RPS6KA2: variants seen among roughly 807,000 people sequenced by gnomAD.
The protein encoded by RPS6KA2 is ribosomal protein S6 kinase A2, also known as ribosomal protein S6 kinase alpha-2.
A neutral mutation model predicts 91.8 loss-of-function variants in RPS6KA2; 42 were observed. That is an observed-to-expected ratio of 0.46 (90% CI 0.36 to 0.59). The LOEUF (loss-of-function observed/expected upper bound fraction) is 0.59, where lower values mean the gene tolerates loss of function less well. Among genes scored for constraint, RPS6KA2 ranks in the 20% least tolerant of loss-of-function variants. The pLI is 0.00. For synonymous variants in RPS6KA2, 414 were observed against 393.6 expected (o/e 1.05, Z -0.61); for missense variants, 798 against 978.5 (o/e 0.82, Z 2.46).
At chr6:166,783,091 TATTA>T (rs1404279946) in intron 2 of RPS6KA2, among the ~76,000 whole-genome samples, 3 of 138,722 alleles carry the variant, frequency 2.2e-5, no homozygotes, top group African/African-American at 5.4e-5. Context: ...TTATTATTAT[TATTA>T]TTATTGTTTT....
At chr6:166,771,003 A>C (rs1349675760) in intron 2 of RPS6KA2, 2 of 1,090,138 alleles carry the variant, frequency 1.8e-6, no homozygotes, top group Non-Finnish European at 2.7e-6. Flanking sequence ...TTACTACCAT[A>C]CTCACCAGGC....
chr6:166,768,003 C>T (rs1778367093), intron 2 of RPS6KA2, among the ~76,000 whole-genome samples: 1 of 152,238 alleles, frequency 6.6e-6, no homozygotes, highest in Non-Finnish European at 1.5e-5. Context: ...AGAGTGCTCA[C>T]ATTTCTGTCC....
Position 166,513,734 on chromosome 6 carries a change from G to A in RPS6KA2, c.299-3377C>T, listed in dbSNP as rs532651249. ...GGGCTGAAGGAGATTTAATGAGAGGGGCCATGAATGGAAACCACTGTCCCA... is the reference window on the plus strand; with the variant it reads ...GGGCTGAAGGAGATTTAATGAGAGGAGCCATGAATGGAAACCACTGTCCCA... On this transcript the variant is annotated intron_variant, in intron 3 of 20. Coordinates refer to ENST00000265678, the MANE Select transcript of RPS6KA2 (RefSeq NM_021135.6). 3.9e-5 allele frequency among the ~76,000 whole-genome samples: 6 copies of A among 152,268 alleles called. No individual in the cohort carries two copies. The South Asian group carries it at 1.0e-3, about 26-fold the overall frequency.
rs968768493 is a variant in RPS6KA2 at position 166,732,754 on chromosome 6, C to A, written c.123+125446G>T. Among the ~76,000 whole-genome samples, 1 of 152,216 alleles carries A rather than the reference C, an allele frequency of 6.6e-6. No individual in the cohort carries two copies. Among genetic ancestry groups the A allele is most frequent in the Admixed American group, 6.5e-5 (1 of 15,282 alleles). On this transcript the variant is annotated intron_variant, in intron 2 of 21. Transcript: ENST00000503859. The surrounding 1 kb of genome is among the most constrained non-coding windows in gnomAD (Gnocchi z 4.0). The stretch of plus-strand genomic sequence containing the variant: ...CCAGGGCACAGCACAGGGGCCCGGT[C>A]AGAGCCTCTTCCTACCAGAGGTGAT...
In RPS6KA2 at chr6:166,729,015, C is replaced by A. The variant is rs138846519; in HGVS notation, c.123+129185G>T. ...GGAAGTGACTGCTGCAAAAAGTGAC[C>A]ACAGGCTGACACATGGAGTGCTCCC... On this transcript the variant is annotated intron_variant, in intron 2 of 21. Coordinates refer to the RPS6KA2 transcript ENST00000503859. Among the ~76,000 whole-genome samples the A allele has an allele frequency of 2.8e-3, 426 of 152,324 alleles. 3 individuals are homozygous for A. The highest frequency in any genetic ancestry group is 9.9e-3 in the African/African-American group (410 of 41,570).
At chr6:166,766,299 T>G (rs1216491655) in intron 2 of RPS6KA2, among the ~76,000 whole-genome samples, 1 of 152,210 alleles carries the variant, frequency 6.6e-6, no homozygotes, top group African/African-American at 2.4e-5. Context: ...TATTTAAAAA[T>G]TTTTTAGGAT....
chr6:166,700,753 T>C (rs1244994962), intron 2 of RPS6KA2, among the ~76,000 whole-genome samples: 3 of 152,190 alleles, frequency 2.0e-5, no homozygotes, highest in Non-Finnish European at 4.4e-5. Context: ...GAAAGCATCA[T>C]TAAGCCAATT....
At chr6:166,743,966 A>C (rs982923703) in intron 2 of RPS6KA2, among the ~76,000 whole-genome samples, 3 of 152,104 alleles carry the variant, frequency 2.0e-5, no homozygotes, top group Admixed American at 2.0e-4. Flanking sequence ...TTCCCTTTTA[A>C]TCCAGCTTCT....
At chr6:166,425,638 C>T (rs1472683806) in intron 16 of RPS6KA2, among the ~76,000 whole-genome samples, 1 of 151,984 alleles carries the variant, frequency 6.6e-6, no homozygotes, top group Non-Finnish European at 1.5e-5. Flanking sequence ...AAAAAAAAGG[C>T]AGGGGTTGCA....
intron 2 of RPS6KA2, among the ~76,000 whole-genome samples, chr6:166,851,447 C>T (rs1453504036): frequency 2.0e-5 from 3 of 152,166 alleles, no homozygotes; most frequent in East Asian, 1.9e-4. Flanking sequence ...GGAGAACCGG[C>T]GTTTTCTTTA....
At chr6:166,608,976 A>C (rs910311215) in intron 1 of RPS6KA2, among the ~76,000 whole-genome samples, 1 of 152,186 alleles carries the variant, frequency 6.6e-6, no homozygotes, top group Non-Finnish European at 1.5e-5. Flanking sequence ...ACTTTCCGGA[A>C]CATGTCATAG....
chr6:166,456,094 G>A (rs145607959), intron 12 of RPS6KA2, among the ~76,000 whole-genome samples: 1,632 of 152,328 alleles, frequency 0.011, 11 homozygotes, highest in Admixed American at 0.015. Flanking sequence ...ATTCCAATAA[G>A]CAATGTCTTC....
intron 2 of RPS6KA2, among the ~76,000 whole-genome samples, chr6:166,834,509 G>T (rs946487881): frequency 6.6e-6 from 1 of 152,076 alleles, no homozygotes; most frequent in East Asian, 1.9e-4. Flanking sequence ...AAAATATTGG[G>T]TACTATGCTT....
In RPS6KA2 at chr6:166,523,575, T is replaced by TATA. The variant is rs1055958356; in HGVS notation, c.298+7654_298+7656dup. On this transcript the variant is annotated intron_variant, in intron 3 of 20. Coordinates refer to ENST00000265678, the MANE Select transcript of RPS6KA2 (RefSeq NM_021135.6). The stretch of plus-strand genomic sequence containing the variant: ...AAATAAAGATGATGATTTATAAAAA[T>TATA]ATAATAATAATAATAACAGTCCTCC... 7.9e-5 allele frequency among the ~76,000 whole-genome samples: 12 copies of TATA among 152,132 alleles called. No individual in the cohort carries two copies. The South Asian group carries it at 1.2e-3, about 16-fold the overall frequency.
At chr6:166,668,923 T>C (rs1788395566) in intron 2 of RPS6KA2, among the ~76,000 whole-genome samples, 1 of 141,760 alleles carries the variant, frequency 7.1e-6, no homozygotes, top group African/African-American at 2.6e-5. Flanking sequence ...GGCCTCACTC[T>C]GTCACCTAGG....
chr6:166,772,992 C>A (rs761695496), intron 2 of RPS6KA2, among the ~76,000 whole-genome samples: 8 of 152,316 alleles, frequency 5.3e-5, no homozygotes, highest in Non-Finnish European at 1.2e-4. Context: ...CTCCCACCTC[C>A]ACCCCTTCTC....
At chr6:166,829,174 G>A (rs1780116548) in intron 2 of RPS6KA2, among the ~76,000 whole-genome samples, 1 of 152,170 alleles carries the variant, frequency 6.6e-6, no homozygotes, top group South Asian at 2.1e-4. Context: ...TGCTATCAAC[G>A]AAGCAGAAAA....
chr6:166,643,784 C>A (rs1241322356), intron 2 of RPS6KA2, among the ~76,000 whole-genome samples: 4 of 152,228 alleles, frequency 2.6e-5, no homozygotes, highest in African/African-American at 4.8e-5. Flanking sequence ...GACCCCCAGA[C>A]TTAGTCAGGT....
chr6:166,690,864 C>T (rs1013312270), intron 2 of RPS6KA2, among the ~76,000 whole-genome samples: 2 of 152,150 alleles, frequency 1.3e-5, no homozygotes, highest in African/African-American at 4.8e-5. Context: ...AGACCCTGAA[C>T]AGGCATGCTG....
Sources: allele counts gnomAD v4.1 joint callset (sites outside exome capture counted in the v4.1 genomes callset), GRCh38; gene constraint gnomAD v4.1.1; non-coding constraint Gnocchi (gnomAD v3.1); transcripts MANE v1.5; gene names NCBI Gene and HGNC (gene_info 2026-07-23, HGNC 2026-07-21).